KLHL32: variants seen among roughly 807,000 people sequenced by gnomAD.
The protein encoded by KLHL32 is kelch like family member 32.
A neutral mutation model predicts 64.8 loss-of-function variants in KLHL32; 35 were observed. The ratio of observed to expected loss-of-function variants is 0.54; its 90% CI spans 0.41 to 0.72. The LOEUF (loss-of-function observed/expected upper bound fraction) is 0.72. Among genes scored for constraint, KLHL32 ranks in the 30% least tolerant of loss-of-function variants. The probability of loss-of-function intolerance (pLI) is 0.00; values close to 1 mark genes in which losing one functional copy is unlikely to be tolerated. For missense variants in KLHL32, 589 were observed against 768.5 expected, an observed-to-expected ratio of 0.77 and a Z score of 2.76; for synonymous variants, 259 against 281.0, an observed-to-expected ratio of 0.92 and a Z score of 0.78.
the KLHL32 span, among the ~76,000 whole-genome samples, chr6:96,905,531 A>G: frequency 6.6e-6 from 1 of 152,158 alleles, no homozygotes; most frequent in African/African-American, 2.4e-5. Flanking sequence ...TCACTTCCTG[A>G]CTGCATAATT....
chr6:97,066,717 C>T (rs1314640432), intron 5 of KLHL32, among the ~76,000 whole-genome samples: 2 of 152,078 alleles, frequency 1.3e-5, no homozygotes, highest in African/African-American at 4.8e-5. Flanking sequence ...TATATATACC[C>T]TGCTTCTCTC....
chr6:96,908,450 A>C, the KLHL32 span, among the ~76,000 whole-genome samples: 20 of 152,252 alleles, frequency 1.3e-4, no homozygotes, highest in Admixed American at 1.2e-3. Flanking sequence ...TGTTATTAAC[A>C]GGGTTCTGCC....
At chr6:97,036,874 G>A (rs1479080129) in intron 3 of KLHL32, among the ~76,000 whole-genome samples, 1 of 152,194 alleles carries the variant, frequency 6.6e-6, no homozygotes, top group Non-Finnish European at 1.5e-5. Flanking sequence ...TAAAGACTGG[G>A]GATCTTTAGC....
At chr6:97,105,845 C>T (rs1796342233) in intron 6 of KLHL32, among the ~76,000 whole-genome samples, 1 of 152,158 alleles carries the variant, frequency 6.6e-6, no homozygotes, top group Non-Finnish European at 1.5e-5. Flanking sequence ...GATTTGATCA[C>T]TCATCTGATG....
intron 6 of KLHL32, among the ~76,000 whole-genome samples, chr6:97,101,217 G>A (rs768723358): frequency 1.3e-5 from 2 of 152,058 alleles, no homozygotes; most frequent in African/African-American, 4.8e-5. Context: ...ATGTATAAAT[G>A]TGCCAGCAAC....
intron 3 of KLHL32, among the ~76,000 whole-genome samples, chr6:97,020,562 A>G (rs1399313604): frequency 6.6e-6 from 1 of 150,978 alleles, no homozygotes; most frequent in East Asian, 1.9e-4. Context: ...CCTATATTAC[A>G]TAAACCTGTT....
At chr6:96,958,834 A>T (rs1418938209) in intron 1 of KLHL32, among the ~76,000 whole-genome samples, 2 of 148,062 alleles carry the variant, frequency 1.4e-5, no homozygotes, top group Admixed American at 6.7e-5. Flanking sequence ...CCAAGGAAAA[A>T]AAAATCACCC....
At chr6:97,103,689 G>A (rs1796044253) in intron 6 of KLHL32, among the ~76,000 whole-genome samples, 1 of 152,190 alleles carries the variant, frequency 6.6e-6, no homozygotes, top group South Asian at 2.1e-4. Context: ...CTAGTTCTCT[G>A]CATTGGCCCC....
intron 4 of KLHL32, among the ~76,000 whole-genome samples, chr6:97,048,958 T>C (rs1786385552): frequency 6.6e-6 from 1 of 152,232 alleles, no homozygotes; most frequent in Admixed American, 6.5e-5. Context: ...TTTCTTTAGC[T>C]GGCAGTACCT....
At chr6:97,058,149 GT>G (rs1405724631) in intron 4 of KLHL32, among the ~76,000 whole-genome samples, 2 of 151,854 alleles carry the variant, frequency 1.3e-5, no homozygotes, top group African/African-American at 4.8e-5. Context: ...GATAACTGTA[GT>G]TTTTTTTAGT....
chr6:96,931,265 C>T (rs1392153071), intron 1 of KLHL32, among the ~76,000 whole-genome samples: 2 of 152,158 alleles, frequency 1.3e-5, no homozygotes, highest in Non-Finnish European at 2.9e-5. Context: ...CCAGCAACTC[C>T]TTCTTCTGTG....
intron 6 of KLHL32, among the ~76,000 whole-genome samples, chr6:97,095,288 C>T (rs371322892): frequency 1.2e-4 from 19 of 152,296 alleles, no homozygotes; most frequent in East Asian, 7.7e-4. Context: ...GGACTATGTA[C>T]TCTTTGGAGT....
In KLHL32 at chr6:96,939,252, C is replaced by T. The variant is rs78034987; in HGVS notation, c.-66+14226C>T. Among the ~76,000 whole-genome samples the T allele has an allele frequency of 7.9e-3, 1,208 of 152,298 alleles. 19 individuals carry two copies. Among genetic ancestry groups the T allele is most frequent in the African/African-American group, 0.027 (1,135 of 41,558 alleles). On this transcript the variant is annotated intron_variant, in intron 1 of 10. Transcript: ENST00000369261. Reference sequence around the variant, plus strand: ...CTTATAAAAACATTGCCAGTTTTCTCAGTAATACTGTTTTACTCTGTAAAG... The same window carrying T: ...CTTATAAAAACATTGCCAGTTTTCTTAGTAATACTGTTTTACTCTGTAAAG...
At chr6:97,052,121 C>T (rs746334774) in intron 4 of KLHL32, among the ~76,000 whole-genome samples, 19 of 152,180 alleles carry the variant, frequency 1.2e-4, no homozygotes, top group Non-Finnish European at 2.2e-4. Flanking sequence ...AAAGAACAAA[C>T]GAAAGAAGTT....
chr6:96,932,295 G>A (rs1770007539), intron 1 of KLHL32, among the ~76,000 whole-genome samples: 1 of 146,678 alleles, frequency 6.8e-6, no homozygotes, highest in Admixed American at 6.9e-5. Context: ...CCTACAATCT[G>A]ATTTAATTTT....
At chr6:97,091,195 C>T (rs1036462110) in intron 6 of KLHL32, among the ~76,000 whole-genome samples, 5 of 152,066 alleles carry the variant, frequency 3.3e-5, no homozygotes, top group East Asian at 3.9e-4. Context: ...GGCAATAGAG[C>T]GAGACCCTGT....
intron 3 of KLHL32, among the ~76,000 whole-genome samples, chr6:97,009,714 G>A (rs545416930): frequency 6.6e-6 from 1 of 152,280 alleles, no homozygotes; most frequent in East Asian, 1.9e-4. Flanking sequence ...GACAGTAGAA[G>A]GAAAGACTGC....
intron 5 of KLHL32, among the ~76,000 whole-genome samples, chr6:97,070,990 G>A (rs1288987082): frequency 6.6e-6 from 1 of 152,036 alleles, no homozygotes; most frequent in Non-Finnish European, 1.5e-5. Context: ...CCACCTTTCT[G>A]CTCCTTATTC....
At chr6:96,910,192 G>A in the KLHL32 span, among the ~76,000 whole-genome samples, 1 of 152,102 alleles carries the variant, frequency 6.6e-6, no homozygotes, top group Non-Finnish European at 1.5e-5. Flanking sequence ...GGAACAGGGA[G>A]TGGCACAGGG....
Sources: gnomAD v4.1 joint callset for allele counts (sites outside exome capture counted in the v4.1 genomes callset) on GRCh38, gnomAD v4.1.1 for gene constraint, MANE v1.5 for transcripts, NCBI Gene and HGNC (gene_info 2026-07-23, HGNC 2026-07-21) for gene names.